Variants in LMBR1 observed in about 807,000 individuals in gnomAD.
LMBR1 encodes the protein limb development membrane protein 1.
Under a neutral mutation model 73.9 loss-of-function variants are expected in LMBR1, and 52 were observed. That is an observed-to-expected ratio of 0.70 (90% CI 0.56 to 0.89). The LOEUF is 0.89. Ranked by LOEUF, LMBR1 falls within the 40% of genes least tolerant of loss-of-function variation. LMBR1 has a pLI of 0.00. For missense variants in LMBR1, 539 were observed against 579.8 expected, an observed-to-expected ratio of 0.93 and a Z score of 0.72; for synonymous variants, 215 against 209.4, an observed-to-expected ratio of 1.03 and a Z score of -0.23.
intron 4 of LMBR1, among the ~76,000 whole-genome samples, chr7:156,819,922 G>C (rs1286518451): frequency 6.6e-6 from 1 of 152,188 alleles, no homozygotes; most frequent in African/African-American, 2.4e-5. Flanking sequence ...GGCTATTATG[G>C]TGGGAAAGAC....
intron 1 of LMBR1, among the ~76,000 whole-genome samples, chr7:156,852,891 C>G (rs990899084): frequency 1.3e-5 from 2 of 151,628 alleles, no homozygotes; most frequent in African/African-American, 4.8e-5. Context: ...AAGATAAGCA[C>G]AGAAGTAATT....
At chr7:156,838,797 G>GT (rs1047550668) in intron 1 of LMBR1, among the ~76,000 whole-genome samples, 61 of 152,178 alleles carry the variant, frequency 4.0e-4, no homozygotes, top group African/African-American at 1.4e-3. Flanking sequence ...TCCCCACACT[G>GT]TTTTTTATAA....
At position 156,682,875 on chromosome 7, in the gene LMBR1, C is replaced by T. The variant is rs1332960708; in HGVS notation, c.*1203G>A. 1.3e-5 allele frequency: 2 copies of T among 152,184 alleles called. No homozygotes were observed. The highest frequency in any genetic ancestry group is 2.4e-5 in the African/African-American group (1 of 41,452). The allele number at this position is 152,184 out of a possible 1,614,324, so 9.4% of individuals were successfully genotyped here. A position where few individuals can be genotyped will look rare whatever the true frequency, so the allele number is the denominator to read the frequency against. On this transcript the variant is annotated 3_prime_UTR_variant, in exon 17 of 17. Coordinates refer to ENST00000353442, the MANE Select transcript of LMBR1 (RefSeq NM_022458.4). ...TAACTACGAATTGTGTGCAAATGGGCCCATCTCCTATTTTTGCATGCACAG... is the reference window on the plus strand; with the variant it reads ...TAACTACGAATTGTGTGCAAATGGGTCCATCTCCTATTTTTGCATGCACAG...
intron 1 of LMBR1, among the ~76,000 whole-genome samples, chr7:156,872,858 G>T (rs959463143): frequency 2.0e-5 from 3 of 152,176 alleles, no homozygotes; most frequent in African/African-American, 7.2e-5. Flanking sequence ...ACTACTGCAG[G>T]AAAGCCTAGA....
intron 1 of LMBR1, among the ~76,000 whole-genome samples, chr7:156,856,706 A>G (rs1381597256): frequency 6.6e-6 from 1 of 152,046 alleles, no homozygotes; most frequent in Non-Finnish European, 1.5e-5. Flanking sequence ...ACTCCATCTC[A>G]AACAAAAAAA....
At chr7:156,849,246 G>T (rs1440149234) in intron 1 of LMBR1, among the ~76,000 whole-genome samples, 1 of 152,146 alleles carries the variant, frequency 6.6e-6, no homozygotes, top group Non-Finnish European at 1.5e-5. Flanking sequence ...ATTATCCTAA[G>T]TGAACTAACA....
chr7:156,726,079 T>A (rs1815686826), intron 12 of LMBR1: 2 of 375,870 alleles, frequency 5.3e-6, no homozygotes, highest in Admixed American at 9.2e-5. Flanking sequence ...GTAATTTAAG[T>A]TACTTGTCAA....
chr7:156,710,334 A>C (rs1811826699), intron 15 of LMBR1, among the ~76,000 whole-genome samples: 1 of 152,210 alleles, frequency 6.6e-6, no homozygotes. Context: ...AGAAAAAGCA[A>C]TCACAACTTC....
chr7:156,733,444 T>C lies in LMBR1; in HGVS notation c.838+733A>G, dbSNP rs951478170. On this transcript the variant is annotated intron_variant, in intron 10 of 16. Transcript: ENST00000353442. ...CAGATTGAACGTGTTAGAGACATAA[T>C]AGAAGATACAAAACAGGCCCAAACA... 3.3e-5 allele frequency among the ~76,000 whole-genome samples: 5 copies of C among 151,616 alleles called. No homozygotes were observed. In the South Asian group the frequency reaches 8.3e-4, roughly 25 times the overall value.
chr7:156,892,574 G>C (rs982693404), intron 1 of LMBR1: 2 of 194,816 alleles, frequency 1.0e-5, no homozygotes, highest in African/African-American at 4.7e-5. Flanking sequence ...TGGGGTCCCA[G>C]AGCGCGGCGC....
At chr7:156,754,675 A>G (rs1035329038) in intron 9 of LMBR1, among the ~76,000 whole-genome samples, 1 of 152,208 alleles carries the variant, frequency 6.6e-6, no homozygotes, top group Non-Finnish European at 1.5e-5. Context: ...TGTTACAACA[A>G]AACACACTAG....
At chr7:156,709,839 A>G (rs1184756177) in intron 15 of LMBR1, among the ~76,000 whole-genome samples, 2 of 151,594 alleles carry the variant, frequency 1.3e-5, no homozygotes, top group East Asian at 3.9e-4. Context: ...CTCCCTAGCA[A>G]TGGATCCAAA....
At chr7:156,734,748 G>C (rs2132505491) in intron 9 of LMBR1, among the ~76,000 whole-genome samples, 1 of 152,246 alleles carries the variant, frequency 6.6e-6, no homozygotes, top group African/African-American at 2.4e-5. Flanking sequence ...AAAGCAACTT[G>C]GGCTTACTAT....
intron 5 of LMBR1, among the ~76,000 whole-genome samples, chr7:156,768,182 T>TC (rs1024678787): frequency 6.6e-6 from 1 of 151,972 alleles, no homozygotes; most frequent in Non-Finnish European, 1.5e-5. Context: ...GGTCAGGAGT[T>TC]CAAGACCAGC....
At chr7:156,892,792 G>A (rs1204041197) in intron 1 of LMBR1, 136 bp downstream of exon 1, 1 of 441,802 alleles carries the variant, frequency 2.3e-6, no homozygotes, top group Non-Finnish European at 3.8e-6. Flanking sequence ...TGGGGAGGGA[G>A]AGCGGCAGAG....
At chr7:156,708,538 G>A (rs1325746275) in intron 15 of LMBR1, among the ~76,000 whole-genome samples, 1 of 152,162 alleles carries the variant, frequency 6.6e-6, no homozygotes, top group South Asian at 2.1e-4. Context: ...ATATCTCACA[G>A]GGGACCTTGG....
intron 8 of LMBR1, among the ~76,000 whole-genome samples, chr7:156,757,606 A>G (rs1822147396): frequency 6.6e-6 from 1 of 152,216 alleles, no homozygotes; most frequent in South Asian, 2.1e-4. Context: ...AGAAGTCTAG[A>G]GCTGATATCA....
At chr7:156,773,857 C>G (rs1054447544) in intron 5 of LMBR1, among the ~76,000 whole-genome samples, 1 of 151,500 alleles carries the variant, frequency 6.6e-6, no homozygotes, top group Non-Finnish European at 1.5e-5. Context: ...CAAATGGGAC[C>G]TAATTAAACT....
chr7:156,696,102 A>C (rs1808229468), intron 15 of LMBR1, among the ~76,000 whole-genome samples: 1 of 152,244 alleles, frequency 6.6e-6, no homozygotes, highest in African/African-American at 2.4e-5. Context: ...TAAATGTATA[A>C]AACTTCTAGA....
Sources: allele counts gnomAD v4.1 joint callset (sites outside exome capture counted in the v4.1 genomes callset), GRCh38; gene constraint gnomAD v4.1.1; transcripts MANE v1.5; gene names NCBI Gene and HGNC (gene_info 2026-07-23, HGNC 2026-07-21).